The following ACTN2 variants were observed in gnomAD, a reference collection of about 807,000 sequenced individuals.
The protein encoded by ACTN2 is alpha-actinin-2.
Under a neutral mutation model 113.8 loss-of-function variants are expected in ACTN2, and 39 were observed. That is an observed-to-expected ratio of 0.34 (90% CI 0.27 to 0.45). The LOEUF (loss-of-function observed/expected upper bound fraction) is 0.45, where lower values mean the gene tolerates loss of function less well. ACTN2 is among the 20% of genes least tolerant of loss of function. The pLI, the probability that ACTN2 is intolerant of heterozygous loss-of-function variation, is 1.00. For missense variants in ACTN2, 992 were observed against 1,177.9 expected, an observed-to-expected ratio of 0.84 and a Z score of 2.31; for synonymous variants, 429 against 444.1, an observed-to-expected ratio of 0.97 and a Z score of 0.43.
In ACTN2 at chr1:236,721,022, GTTTTTTTTT is replaced by G. The variant is rs869077774; in HGVS notation, c.448+846_448+854del. On this transcript the variant is annotated intron_variant, in intron 4 of 20. Coordinates refer to ENST00000366578, the MANE Select transcript of ACTN2 (RefSeq NM_001103.4). ...CCTCTGACTCTGGTTTTTGTTTTTT[GTTTTTTTTT>G]TTTTTTTTTTTTTTGAGACGGAGTC... Among the ~76,000 whole-genome samples, 44 of 66,508 alleles carry G rather than the reference GTTTTTTTTT, an allele frequency of 6.6e-4. 9 individuals carry two copies. Among genetic ancestry groups the G allele is most frequent in the South Asian group, 3.6e-3 (6 of 1,688 alleles). 43.6% of individuals were successfully genotyped at this position (66,508 alleles called of 152,430 possible).
chr1:236,762,089 A>T lies in ACTN2; in HGVS notation c.2527-372A>T, dbSNP rs555140238. Reference sequence around the variant, plus strand: ...AGATTTACTTATTTTGACTTTTACCAACCAGACTATTTGGCTGGAATTGTC... The same window carrying T: ...AGATTTACTTATTTTGACTTTTACCTACCAGACTATTTGGCTGGAATTGTC... On this transcript the variant is annotated intron_variant, in intron 20 of 20. Coordinates refer to ENST00000366578, the MANE Select transcript of ACTN2 (RefSeq NM_001103.4). Among the ~76,000 whole-genome samples, 6 of 152,328 alleles carry T rather than the reference A, an allele frequency of 3.9e-5. No homozygotes were observed. The East Asian group carries it at 1.2e-3, about 29-fold the overall frequency.
In ACTN2 at chr1:236,759,732, T is replaced by G. The variant is rs1218860066; in HGVS notation, c.2310T>G (p.Asn770Lys). ...TTTGTTTTTGCCAACAGAGGAAGAA[T>G]GGCCTGATGGATCATGAGGATTTCA... ...ASFNHFDRRK[N>K]GLMDHEDFRA... is the part of the protein sequence containing the mutation. Residue 770 changes from asparagine (N) to lysine (K), a missense_variant, in exon 19 of 21, where the codon AAT becomes AAG. Around this residue, in one of 3 missense-constraint regions of ACTN2, gnomAD observed 736 missense variants for 815.4 expected, o/e 0.90. Coordinates refer to ENST00000366578, the MANE Select transcript of ACTN2 (RefSeq NM_001103.4). 1 of 1,614,078 alleles carries G rather than the reference T, an allele frequency of 6.2e-7. No homozygotes were observed. The highest frequency in any genetic ancestry group is 1.7e-5 in the Admixed American group (1 of 60,022).
chr1:236,760,289 A>G (rs1425668087), intron 19 of ACTN2, among the ~76,000 whole-genome samples: 10 of 152,140 alleles, frequency 6.6e-5, no homozygotes, highest in Non-Finnish European at 1.5e-5. Context: ...TTTTTATTCA[A>G]TAATTGGTCA....
intron 1 of ACTN2, among the ~76,000 whole-genome samples, chr1:236,695,374 T>C (rs1257265072): frequency 4.0e-5 from 3 of 74,952 alleles, no homozygotes; most frequent in Admixed American, 1.9e-4. Context: ...TGAGACTGTC[T>C]CAAAAAAAAA....
chr1:236,722,634 C>CAAAAAAAAAAA (rs35608028), intron 4 of ACTN2, among the ~76,000 whole-genome samples: 1 of 112,096 alleles, frequency 8.9e-6, no homozygotes, highest in Non-Finnish European at 1.7e-5. Context: ...GACTCCGTCT[C>CAAAAAAAAAAA]AAAAAAAAAA....
rs757475012 is a variant in ACTN2, at chr1:236,754,086, G to A, written c.1974+5G>A. ...TGGATCCAGAACAAGATGGAGGTAA[G>A]CCAGCGCCCTCCCAGGCGCTGTTCA... On this transcript the variant is annotated splice_donor_5th_base_variant and intron_variant, in intron 16 of 20. Coordinates refer to ENST00000366578, the MANE Select transcript of ACTN2 (RefSeq NM_001103.4). The surrounding 1 kb of genome is among the most constrained non-coding windows in gnomAD (Gnocchi z 4.9). 1.2e-6 allele frequency: 2 copies of A among 1,613,732 alleles called. No homozygotes were observed. Among genetic ancestry groups the A allele is most frequent in the East Asian group, 4.5e-5 (2 of 44,878 alleles).
rs1179476879 is a variant in ACTN2, at chr1:236,727,615, AGATG to A, written c.537-62_537-59del. On this transcript the variant is annotated intron_variant, in intron 5 of 20. Transcript: ENST00000366578. ...GGAAGGCCAACATCTGACTGAGTGC[AGATG>A]CTGGCTGCTTCTTTCTCTCCACTAA... 12 of 1,552,794 alleles carry A rather than the reference AGATG, an allele frequency of 7.7e-6. No individual in the cohort carries two copies. In the Admixed American group the frequency reaches 1.3e-4, roughly 17 times the overall value.
At chr1:236,728,389 C>T (rs1039339719) in intron 6 of ACTN2, among the ~76,000 whole-genome samples, 19 of 152,132 alleles carry the variant, frequency 1.2e-4, no homozygotes, top group Admixed American at 2.0e-4. Flanking sequence ...GTGATCCGCC[C>T]GCCTCAGCCT....
At chr1:236,703,700 A>G (rs116444613) in intron 1 of ACTN2, among the ~76,000 whole-genome samples, 2 of 151,544 alleles carry the variant, frequency 1.3e-5, no homozygotes, top group African/African-American at 4.8e-5. Flanking sequence ...TCCTTCAAGA[A>G]TTTTAAAACG....
chr1:236,736,551 C>T, intron 8 of ACTN2: 1 of 1,497,456 alleles, frequency 6.7e-7, no homozygotes, highest in Non-Finnish European at 9.0e-7. Context: ...AATGACTTCT[C>T]ATCTAGGTTA....
chr1:236,691,990 C>T (rs1221496791), intron 1 of ACTN2, among the ~76,000 whole-genome samples: 1 of 152,248 alleles, frequency 6.6e-6, no homozygotes, highest in East Asian at 1.9e-4. Context: ...CTTCATTCTC[C>T]AAGACATGCA....
chr1:236,739,412 G>A lies in ACTN2; in HGVS notation c.987G>A (p.Lys329=), dbSNP rs1185341467. The change falls in exon 10 of 21, where the codon AAG becomes AAA. Residue 329 remains lysine, a synonymous_variant. Coordinates refer to ENST00000366578, the MANE Select transcript of ACTN2 (RefSeq NM_001103.4). ...AGGACTTCCGGGATTACCGCCGGAA[G>A]CACAAGCCACCCAAGGTGCAGGAGA... ...KLEDFRDYRR[K]HKPPKVQEKC... 1.2e-5 allele frequency: 20 copies of A among 1,614,008 alleles called. No homozygotes were observed. Among genetic ancestry groups the A allele is most frequent in the African/African-American group, 2.7e-5 (2 of 74,902 alleles).
At chr1:236,745,897 C>T (rs1028813821) in intron 12 of ACTN2, among the ~76,000 whole-genome samples, 1 of 152,148 alleles carries the variant, frequency 6.6e-6, no homozygotes, top group African/African-American at 2.4e-5. Flanking sequence ...GGCACAGTGG[C>T]TCACGCCTGT....
At chr1:236,693,212 C>T (rs905379540) in intron 1 of ACTN2, among the ~76,000 whole-genome samples, 1 of 129,096 alleles carries the variant, frequency 7.7e-6, no homozygotes, top group African/African-American at 2.7e-5. Flanking sequence ...CACACACACA[C>T]ACAGAGTTTT....
At chr1:236,686,886 C>T (rs1459259675) in intron 1 of ACTN2, 87 bp downstream of exon 1, 4 of 1,281,864 alleles carry the variant, frequency 3.1e-6, no homozygotes, top group Non-Finnish European at 4.0e-6. Flanking sequence ...GGCCTGGCGA[C>T]TGGCGAGAGG....
chr1:236,745,558 G>A (rs1659208984), intron 12 of ACTN2, among the ~76,000 whole-genome samples: 1 of 152,214 alleles, frequency 6.6e-6, no homozygotes, highest in Admixed American at 6.5e-5. Flanking sequence ...TCATGCGTTT[G>A]GTTTTATGGG....
rs140472254 is a variant in ACTN2, at chr1:236,696,261, C to T, written c.126+9462C>T. Among the ~76,000 whole-genome samples, 337 of 149,814 alleles carry T rather than the reference C, an allele frequency of 2.2e-3. 3 individuals are homozygous for T. The highest frequency in any genetic ancestry group is 7.5e-3 in the African/African-American group (307 of 40,688). ...GAGTGAGCTGCACTCACAGCTGGAG[C>T]GCAGTGAGATCGTGTCACTGCACTC... On this transcript the variant is annotated intron_variant, in intron 1 of 20. Coordinates refer to ENST00000366578, the MANE Select transcript of ACTN2 (RefSeq NM_001103.4).
intron 11 of ACTN2, 148 bp from the exon 12 acceptor site, chr1:236,744,478 A>G (rs1659164990): frequency 1.0e-6 from 1 of 975,660 alleles, no homozygotes. Context: ...GAATTCCATC[A>G]CAACCCTGGC....
intron 1 of ACTN2, among the ~76,000 whole-genome samples, chr1:236,693,512 G>C (rs1657358236): frequency 6.6e-6 from 1 of 152,130 alleles, no homozygotes; most frequent in African/African-American, 2.4e-5. Flanking sequence ...CCTCCTGCTT[G>C]GTTCCCCTTC....
Sources: gnomAD v4.1 joint callset for allele counts (sites outside exome capture counted in the v4.1 genomes callset) on GRCh38, gnomAD v4.1.1 for gene constraint, gnomAD v4.1.1 regional missense constraint, Gnocchi (gnomAD v3.1) non-coding constraint, MANE v1.5 for transcripts, NCBI Gene and HGNC (gene_info 2026-07-23, HGNC 2026-07-21) for gene names.